Variants in TMCO4 observed in about 807,000 individuals in gnomAD.
TMCO4 encodes transmembrane and coiled-coil domains 4.
In TMCO4, 58 loss-of-function variants were observed where a neutral mutation model predicts 64.7. The observed-to-expected ratio is 0.90, with a 90% confidence interval of 0.73 to 1.12. The LOEUF is 1.12. Among genes scored for constraint, TMCO4 ranks in the 50% most tolerant of loss-of-function variants. The pLI, the probability that TMCO4 is intolerant of heterozygous loss-of-function variation, is 0.00. For synonymous variants in TMCO4, 325 were observed against 346.1 expected, an observed-to-expected ratio of 0.94 and a Z score of 0.68; for missense variants, 780 against 825.9, an observed-to-expected ratio of 0.94 and a Z score of 0.68.
chr1:19,709,793 T>TC (rs1157969966), intron 13 of TMCO4, among the ~76,000 whole-genome samples: 5 of 151,838 alleles, frequency 3.3e-5, no homozygotes, highest in South Asian at 4.2e-4. Context: ...TTCTTTTCTT[T>TC]CTTTTTTTTT....
At position 19,794,174 on chromosome 1, in the gene TMCO4, T is replaced by A. The variant is rs538204774; in HGVS notation, c.-101+3963A>T. Among the ~76,000 whole-genome samples the A allele has an allele frequency of 3.3e-4, 50 of 151,994 alleles. 1 individual carries two copies. The highest frequency in any genetic ancestry group is 5.9e-4 in the Non-Finnish European group (40 of 68,008). On this transcript the variant is annotated intron_variant, in intron 2 of 15. Transcript: ENST00000294543. ...CCGTTCCCACGGCTGGGAATGCTTA[T>A]CCCCCAGATAAGGACACAGCCAACT...
chr1:19,781,852 T>C lies in TMCO4; in HGVS notation c.-8-1086A>G, dbSNP rs376696903. On this transcript the variant is annotated intron_variant, in intron 3 of 15. Transcript: ENST00000294543. ...TAGTAGAGACGGGGTTTCACTGTGTTAGCCAGGATGGTCTCCATCTCCTGA... is the reference window on the plus strand; with the variant it reads ...TAGTAGAGACGGGGTTTCACTGTGTCAGCCAGGATGGTCTCCATCTCCTGA... Among the ~76,000 whole-genome samples the C allele has an allele frequency of 1.2e-3, 178 of 152,248 alleles. 1 individual carries two copies. The highest frequency in any genetic ancestry group is 4.1e-3 in the South Asian group (20 of 4,822).
intron 6 of TMCO4, among the ~76,000 whole-genome samples, chr1:19,764,936 C>T (rs943287833): frequency 6.6e-6 from 1 of 151,652 alleles, no homozygotes; most frequent in Non-Finnish European, 1.5e-5. Flanking sequence ...AAGACTAACA[C>T]CTCAAGTCTT....
At chr1:19,703,352 G>A (rs1477959935) in intron 13 of TMCO4, among the ~76,000 whole-genome samples, 1 of 152,040 alleles carries the variant, frequency 6.6e-6, no homozygotes, top group Non-Finnish European at 1.5e-5. Flanking sequence ...TGAATGCACA[G>A]TGGGAGTTCG....
At chr1:19,745,227 G>T (rs2041714118) in intron 10 of TMCO4, among the ~76,000 whole-genome samples, 1 of 147,726 alleles carries the variant, frequency 6.8e-6, no homozygotes, top group Non-Finnish European at 1.5e-5. Flanking sequence ...TAGAAGGGTG[G>T]TTAAGTGGGT....
At chr1:19,751,134 G>C (rs2042005050) in intron 7 of TMCO4, among the ~76,000 whole-genome samples, 1 of 152,194 alleles carries the variant, frequency 6.6e-6, no homozygotes, top group Non-Finnish European at 1.5e-5. Flanking sequence ...ATCCTCAGCA[G>C]CTTGCCCTGG....
chr1:19,751,769 C>A (rs1341002198), intron 7 of TMCO4, among the ~76,000 whole-genome samples: 1 of 152,238 alleles, frequency 6.6e-6, no homozygotes, highest in African/African-American at 2.4e-5. Flanking sequence ...GTTTTGGGGG[C>A]CGGGCGTGGT....
intron 13 of TMCO4, among the ~76,000 whole-genome samples, chr1:19,715,444 T>A (rs868122703): frequency 6.6e-6 from 1 of 152,162 alleles, no homozygotes; most frequent in African/African-American, 2.4e-5. Flanking sequence ...CTGGTTTTCA[T>A]TGGGAAGGTT....
chr1:19,785,212 C>T (rs2043677668), intron 3 of TMCO4, among the ~76,000 whole-genome samples: 1 of 152,210 alleles, frequency 6.6e-6, no homozygotes, highest in Non-Finnish European at 1.5e-5. Flanking sequence ...ACCCAGGCTA[C>T]AGTATTAGGT....
At chr1:19,750,122 T>C (rs1184677367) in intron 7 of TMCO4, 1 of 152,220 alleles carries the variant, frequency 6.6e-6, no homozygotes, top group Non-Finnish European at 1.5e-5. Context: ...CTCTTTTCAT[T>C]ATTATTGTAA....
chr1:19,735,892 G>C (rs1180977904), intron 13 of TMCO4, among the ~76,000 whole-genome samples: 1 of 152,186 alleles, frequency 6.6e-6, no homozygotes, highest in African/African-American at 2.4e-5. Flanking sequence ...GATGACAGCA[G>C]AGAGGATGGC....
intron 13 of TMCO4, among the ~76,000 whole-genome samples, chr1:19,724,613 C>T (rs986128988): frequency 6.6e-6 from 1 of 152,030 alleles, no homozygotes; most frequent in African/African-American, 2.4e-5. Context: ...CTAGAATAAC[C>T]CCCAGAGGGA....
chr1:19,744,332 C>T (rs1171943830), intron 10 of TMCO4, among the ~76,000 whole-genome samples: 1 of 152,164 alleles, frequency 6.6e-6, no homozygotes, highest in Admixed American at 6.5e-5. Flanking sequence ...ATGAGAACAG[C>T]AAAGGGAACT....
intron 13 of TMCO4, among the ~76,000 whole-genome samples, chr1:19,728,330 G>A (rs2095416950): frequency 6.6e-6 from 1 of 152,206 alleles, no homozygotes; most frequent in African/African-American, 2.4e-5. Context: ...AGAACTACTG[G>A]CCCCATGGGG....
intron 4 of TMCO4, among the ~76,000 whole-genome samples, chr1:19,776,516 G>A (rs1406064386): frequency 2.0e-5 from 3 of 152,186 alleles, no homozygotes; most frequent in Non-Finnish European, 4.4e-5. Flanking sequence ...TCCTTGGCTA[G>A]GTACTGGTTT....
rs1475484788 is a variant in TMCO4, at chr1:19,683,106, G to A, written c.1839C>T (p.Asp613=). 1.2e-6 allele frequency: 2 copies of A among 1,612,452 alleles called. No individual in the cohort carries two copies. The highest frequency in any genetic ancestry group is 1.7e-5 in the Admixed American group (1 of 59,878). Residue 613 remains aspartate (D), a synonymous_variant, in exon 16 of 16, where the codon GAC becomes GAT. Coordinates refer to ENST00000294543, the MANE Select transcript of TMCO4 (RefSeq NM_181719.7). Reference sequence around the variant, plus strand: ...AATCGGGGCAGCCCAGTGGGTTGGGGTCCATGCCATGGCTGCAGATGGGGG... The same window carrying A: ...AATCGGGGCAGCCCAGTGGGTTGGGATCCATGCCATGGCTGCAGATGGGGG... ...ERPPICSHGM[D]PNPLGCPDCA...
rs748387505 is a variant in TMCO4 at position 19,739,789 on chromosome 1, C to T, written c.1179+35G>A. ...AGTCAGCACCTGACTTCCCCTCTTG[C>T]TCAATGCCACGCCCACACAGCCATT... On this transcript the variant is annotated intron_variant, in intron 12 of 15. Coordinates refer to ENST00000294543, the MANE Select transcript of TMCO4 (RefSeq NM_181719.7). 9 of 1,602,674 alleles carry T rather than the reference C, an allele frequency of 5.6e-6. No individual in the cohort carries two copies. In the East Asian group the frequency reaches 1.6e-4, roughly 28 times the overall value.
intron 15 of TMCO4, among the ~76,000 whole-genome samples, chr1:19,691,947 CTG>C (rs1249998754): frequency 6.6e-6 from 1 of 152,224 alleles, no homozygotes; most frequent in Non-Finnish European, 1.5e-5. Flanking sequence ...GTTCTCTTCT[CTG>C]TCTTGCCTGC....
intron 14 of TMCO4, among the ~76,000 whole-genome samples, chr1:19,699,840 G>A (rs2095260230): frequency 6.6e-6 from 1 of 152,208 alleles, no homozygotes; most frequent in South Asian, 2.1e-4. Context: ...GGACAATCAT[G>A]TGCACGAGCA....
Sources: gnomAD v4.1 joint callset for allele counts (sites outside exome capture counted in the v4.1 genomes callset) on GRCh38, gnomAD v4.1.1 for gene constraint, MANE v1.5 for transcripts, NCBI Gene and HGNC (gene_info 2026-07-23, HGNC 2026-07-21) for gene names.